Variants in VOPP1 observed in about 807,000 individuals in gnomAD.
VOPP1 encodes the protein VOPP1 WW domain binding protein.
A neutral mutation model predicts 23.5 loss-of-function variants in VOPP1; 8 were observed. The ratio of observed to expected loss-of-function variants is 0.34; its 90% CI spans 0.20 to 0.61. VOPP1 has a LOEUF of 0.61. VOPP1 is among the 20% of genes least tolerant of loss of function. The probability of loss-of-function intolerance (pLI) is 0.78; values close to 1 mark genes in which losing one functional copy is unlikely to be tolerated. For missense variants in VOPP1, 174 were observed against 238.1 expected, an observed-to-expected ratio of 0.73 and a Z score of 1.77; for synonymous variants, 83 against 97.3, an observed-to-expected ratio of 0.85 and a Z score of 0.86.
At chr7:55,527,956 T>A (rs1248157690) in intron 1 of VOPP1, among the ~76,000 whole-genome samples, 1 of 149,146 alleles carries the variant, frequency 6.7e-6, no homozygotes, top group Non-Finnish European at 1.5e-5. Context: ...AAAAAAAAAA[T>A]CACATAATTG....
intron 1 of VOPP1, among the ~76,000 whole-genome samples, chr7:55,524,350 A>G (rs1231114794): frequency 6.6e-6 from 1 of 152,242 alleles, no homozygotes; most frequent in African/African-American, 2.4e-5. Context: ...TGAAACAGAA[A>G]GCACCTTTAA....
chr7:55,530,506 G>T (rs549679559), intron 1 of VOPP1, among the ~76,000 whole-genome samples: 30 of 152,290 alleles, frequency 2.0e-4, no homozygotes, highest in Middle Eastern at 3.4e-3. Flanking sequence ...AGGTCTCGAA[G>T]AGGTGAATTG....
chr7:55,455,267 T>G (rs1791338061), intron 4 of VOPP1, among the ~76,000 whole-genome samples: 1 of 152,170 alleles, frequency 6.6e-6, no homozygotes. Context: ...GAAGGATCTC[T>G]TCAAGGAGAA....
intron 2 of VOPP1, among the ~76,000 whole-genome samples, chr7:55,516,917 T>TGAGTCGGAGTG (rs1795453048): frequency 2.9e-5 from 1 of 33,908 alleles, no homozygotes; most frequent in Non-Finnish European, 5.6e-5. Context: ...TATATATATA[T>TGAGTCGGAGTG]ATATATATAT....
At chr7:55,483,957 A>G (rs565992606) in intron 4 of VOPP1, among the ~76,000 whole-genome samples, 1 of 152,250 alleles carries the variant, frequency 6.6e-6, no homozygotes, top group African/African-American at 2.4e-5. Flanking sequence ...GGGTTTCATC[A>G]TATCGGTCAG....
chr7:55,547,929 C>T (rs1444721295), intron 1 of VOPP1, among the ~76,000 whole-genome samples: 1 of 152,194 alleles, frequency 6.6e-6, no homozygotes, highest in Non-Finnish European at 1.5e-5. Context: ...GTCTCTTCTT[C>T]CAACTTCTCT....
downstream of VOPP1, among the ~76,000 whole-genome samples, chr7:55,466,119 G>A (rs571161585): frequency 2.0e-5 from 3 of 152,260 alleles, no homozygotes; most frequent in East Asian, 1.9e-4. Flanking sequence ...TATGAACCAC[G>A]AAGCAGACAC....
At chr7:55,562,544 C>A (rs562627638) in intron 1 of VOPP1, among the ~76,000 whole-genome samples, 1 of 152,180 alleles carries the variant, frequency 6.6e-6, no homozygotes, top group Non-Finnish European at 1.5e-5. Context: ...AACAGCAAGA[C>A]AGACTGACCT....
Position 55,531,684 on chromosome 7 carries a change from G to T in VOPP1, c.55-10554C>A, listed in dbSNP as rs1796508200. Among the ~76,000 whole-genome samples, 4 of 152,074 alleles carry T rather than the reference G, an allele frequency of 2.6e-5. No individual in the cohort carries two copies. In the South Asian group the frequency reaches 8.3e-4, roughly 32 times the overall value. ...TCTTTTTTTGATGTAATTGCAGAGT[G>T]CAAGAGTAACATTATGAAAAAAAAG... is the stretch of plus-strand genomic sequence containing the variant. On this transcript the variant is annotated intron_variant, in intron 1 of 4. Coordinates refer to ENST00000285279, the MANE Select transcript of VOPP1 (RefSeq NM_030796.5).
At chr7:55,536,721 G>C (rs79695193) in intron 1 of VOPP1, among the ~76,000 whole-genome samples, 1 of 152,150 alleles carries the variant, frequency 6.6e-6, no homozygotes, top group Non-Finnish European at 1.5e-5. Context: ...AAAACAACTC[G>C]TGTTCACACC....
chr7:55,500,791 C>T (rs1372893851), intron 2 of VOPP1, among the ~76,000 whole-genome samples: 4 of 152,150 alleles, frequency 2.6e-5, no homozygotes, highest in African/African-American at 9.7e-5. Context: ...AGAAGCAAGA[C>T]GTTAGAGATG....
At chr7:55,550,073 C>T (rs1042174163) in intron 1 of VOPP1, among the ~76,000 whole-genome samples, 18 of 152,212 alleles carry the variant, frequency 1.2e-4, no homozygotes, top group Non-Finnish European at 1.8e-4. Flanking sequence ...CGTGCACAGG[C>T]GCTACTCCCC....
At chr7:55,444,135 T>A (rs983460543) in intron 4 of VOPP1, among the ~76,000 whole-genome samples, 5 of 152,102 alleles carry the variant, frequency 3.3e-5, no homozygotes, top group Admixed American at 3.3e-4. Flanking sequence ...CGGCCGTAAC[T>A]TCTTTATTTT....
At chr7:55,525,081 G>C (rs1796090711) in intron 1 of VOPP1, among the ~76,000 whole-genome samples, 1 of 152,148 alleles carries the variant, frequency 6.6e-6, no homozygotes, top group Admixed American at 6.5e-5. Context: ...ACGGGCAAAG[G>C]GGAACCCACA....
rs548142249 is a variant in VOPP1, at chr7:55,477,438, T to A, written c.329-4393A>T. ...GTGCATGGGTTTCCTGAGACACACC[T>A]GTTTCTGATATGACAGGAGTGACTG... is the stretch of plus-strand genomic sequence containing the variant. On this transcript the variant is annotated intron_variant, in intron 4 of 4. Coordinates refer to ENST00000285279, the MANE Select transcript of VOPP1 (RefSeq NM_030796.5). Among the ~76,000 whole-genome samples, 298 of 152,318 alleles carry A rather than the reference T, an allele frequency of 2.0e-3. 1 individual carries two copies. Among genetic ancestry groups the A allele is most frequent in the Non-Finnish European group, 3.2e-3 (216 of 68,028 alleles).
At chr7:55,462,866 C>T (rs921824270) in intron 4 of VOPP1, among the ~76,000 whole-genome samples, 3 of 148,276 alleles carry the variant, frequency 2.0e-5, no homozygotes, top group Admixed American at 1.4e-4. Flanking sequence ...CCGTTTTAGC[C>T]GGGATGGTCT....
chr7:55,468,993 GGTACACTAGTTTTTTCTTTTAAA>G (rs1791706299), downstream of VOPP1, among the ~76,000 whole-genome samples: 1 of 152,076 alleles, frequency 6.6e-6, no homozygotes, highest in Non-Finnish European at 1.5e-5. Context: ...TGTCAGAAAA[GGTACACTAGTTTTTTCTTTTAAA>G]GTACACTAGT....
rs144750936 is a variant in VOPP1 at position 55,559,010 on chromosome 7, T to G, written c.54+13261A>C. On this transcript the variant is annotated intron_variant, in intron 1 of 4. Transcript: ENST00000285279. ...TCTGAAGACCTAATTATATTAATTT[T>G]ATTTGTGCCCAAAGCTTTGCAAACA... Among the ~76,000 whole-genome samples the G allele has an allele frequency of 9.4e-3, 1,425 of 152,312 alleles. 27 individuals carry two copies. Among genetic ancestry groups the G allele is most frequent in the African/African-American group, 0.033 (1,358 of 41,548 alleles).
At chr7:55,445,677 T>G (rs897849205) in intron 4 of VOPP1, among the ~76,000 whole-genome samples, 1 of 152,196 alleles carries the variant, frequency 6.6e-6, no homozygotes, top group Non-Finnish European at 1.5e-5. Flanking sequence ...TGTCTGCTTC[T>G]TTCCCTCTGG....
Sources: allele counts gnomAD v4.1 joint callset (sites outside exome capture counted in the v4.1 genomes callset), GRCh38; gene constraint gnomAD v4.1.1; transcripts MANE v1.5; gene names NCBI Gene and HGNC (gene_info 2026-07-23, HGNC 2026-07-21).